OSTN: variants seen among roughly 807,000 people sequenced by gnomAD.
OSTN encodes the protein osteocrin.
OSTN carries 9 observed loss-of-function variants against 12.0 expected under a neutral mutation model. The ratio of observed to expected loss-of-function variants is 0.75; its 90% CI spans 0.45 to 1.30. The LOEUF (loss-of-function observed/expected upper bound fraction) is 1.30. OSTN is among the 50% of genes most tolerant of loss of function. OSTN has a pLI of 0.00. For synonymous variants in OSTN, 59 were observed against 56.9 expected (o/e 1.04, Z -0.16); for missense variants, 148 against 152.3 (o/e 0.97, Z 0.15).
intron 3 of OSTN, among the ~76,000 whole-genome samples, chr3:191,246,680 A>AGAAGAGGAAGAGGAGGATGAAAAG (rs1715440421): frequency 6.6e-6 from 1 of 151,698 alleles, no homozygotes; most frequent in African/African-American, 2.4e-5. Context: ...GGGAAGAGGA[A>AGAAGAGGAAGAGGAGGATGAAAAG]GAAGAGGAAG....
chr3:191,222,655 C>T lies in OSTN; in HGVS notation c.317+3694C>T, dbSNP rs1025175127. Reference sequence around the variant, plus strand: ...TGTGGGACTGCTGGGAAGGGATGATCATGTTTTGAAATGGGAAGATATGAG... The same window carrying T: ...TGTGGGACTGCTGGGAAGGGATGATTATGTTTTGAAATGGGAAGATATGAG... On this transcript the variant is annotated intron_variant, in intron 3 of 4. Transcript: ENST00000682035. Among the ~76,000 whole-genome samples, 4 of 151,982 alleles carry T rather than the reference C, an allele frequency of 2.6e-5. No individual in the cohort carries two copies. In the East Asian group the frequency reaches 5.8e-4, roughly 22 times the overall value.
intron 4 of OSTN, among the ~76,000 whole-genome samples, chr3:191,260,374 G>T (rs550278319): frequency 1.1e-4 from 17 of 152,058 alleles, no homozygotes; most frequent in African/African-American, 4.1e-4. Flanking sequence ...CAATGCCAAA[G>T]ATTCCCCCAC....
Position 191,232,835 on chromosome 3 carries a change from G to A in OSTN, c.317+13874G>A, listed in dbSNP as rs889164493. ...TCTCCATGTTGGCCAGCCTGGTCTCGAGCTCCTGGCCTCAAGTGATCTGCC... is the reference window on the plus strand; with the variant it reads ...TCTCCATGTTGGCCAGCCTGGTCTCAAGCTCCTGGCCTCAAGTGATCTGCC... On this transcript the variant is annotated intron_variant, in intron 3 of 4. Transcript: ENST00000682035. 5.3e-5 allele frequency among the ~76,000 whole-genome samples: 8 copies of A among 152,116 alleles called. No individual in the cohort carries two copies. The East Asian group carries it at 1.5e-3, about 29-fold the overall frequency.
intron 3 of OSTN, among the ~76,000 whole-genome samples, chr3:191,230,625 A>C (rs895230045): frequency 6.6e-6 from 1 of 151,716 alleles, no homozygotes; most frequent in Non-Finnish European, 1.5e-5. Flanking sequence ...ATGAGAACTC[A>C]CTATCAGGTG....
intron 3 of OSTN, among the ~76,000 whole-genome samples, chr3:191,243,188 A>G (rs185813679): frequency 6.6e-6 from 1 of 152,340 alleles, no homozygotes; most frequent in African/African-American, 2.4e-5. Flanking sequence ...AATAGGAACT[A>G]TCATACACTG....
chr3:191,239,062 A>G (rs984460975), intron 3 of OSTN, among the ~76,000 whole-genome samples: 69 of 152,358 alleles, frequency 4.5e-4, no homozygotes, highest in African/African-American at 1.6e-3. Flanking sequence ...GATAAACTCT[A>G]TATTACTGGT....
At chr3:191,241,231 T>A (rs1715314084) in intron 3 of OSTN, among the ~76,000 whole-genome samples, 2 of 126,384 alleles carry the variant, frequency 1.6e-5, no homozygotes, top group South Asian at 5.8e-4. Context: ...CAGGCTGGAG[T>A]GCAGTGGCGC....
chr3:191,210,825 A>G (rs1209585592), intron 1 of OSTN, among the ~76,000 whole-genome samples: 3 of 152,152 alleles, frequency 2.0e-5, no homozygotes, highest in South Asian at 2.1e-4. Context: ...GTTCATGCCT[A>G]CTTTGTTCTA....
At chr3:191,250,944 A>G (rs1715546997) in intron 4 of OSTN, among the ~76,000 whole-genome samples, 1 of 152,162 alleles carries the variant, frequency 6.6e-6, no homozygotes, top group Admixed American at 6.5e-5. Flanking sequence ...GTGCCAGCTA[A>G]AGAGATCAGG....
rs1383079606 is a variant in OSTN, at chr3:191,265,422, G to A, written c.*2569G>A. 2 of 152,130 alleles carry A rather than the reference G, an allele frequency of 1.3e-5. No homozygotes were observed. Among genetic ancestry groups the A allele is most frequent in the Non-Finnish European group, 2.9e-5 (2 of 67,994 alleles). 9.4% of individuals were successfully genotyped at this position (152,130 alleles called of 1,614,324 possible). ...CACACTAAAAAATGTCTGTCAAGTT[G>A]TACCTTTAACCTGTTCATAGCTTTA... On this transcript the variant is annotated 3_prime_UTR_variant, in exon 5 of 5. Transcript: ENST00000682035.
At chr3:191,248,120 C>A (rs1485784141) in intron 3 of OSTN, among the ~76,000 whole-genome samples, 1 of 152,118 alleles carries the variant, frequency 6.6e-6, no homozygotes, top group Non-Finnish European at 1.5e-5. Context: ...AGGCATGAGC[C>A]ACTGCGCCGG....
At chr3:191,201,234 C>T (rs1016521439) in intron 1 of OSTN, among the ~76,000 whole-genome samples, 2 of 152,038 alleles carry the variant, frequency 1.3e-5, no homozygotes, top group African/African-American at 4.8e-5. Flanking sequence ...CCATCTCCTC[C>T]CTCCAGTAAC....
chr3:191,228,263 C>T (rs1036530651), intron 3 of OSTN, among the ~76,000 whole-genome samples: 3 of 152,116 alleles, frequency 2.0e-5, no homozygotes, highest in Non-Finnish European at 4.4e-5. Context: ...TCTGCCCCAA[C>T]TCTGCCTGGG....
chr3:191,206,119 G>A (rs1277079501), intron 1 of OSTN, among the ~76,000 whole-genome samples: 3 of 151,898 alleles, frequency 2.0e-5, no homozygotes, highest in Non-Finnish European at 4.4e-5. Context: ...CTGGGAAGCG[G>A]AGGTTGCAGT....
At chr3:191,211,254 T>C (rs998119522) in intron 1 of OSTN, among the ~76,000 whole-genome samples, 1 of 152,222 alleles carries the variant, frequency 6.6e-6, no homozygotes, top group African/African-American at 2.4e-5. Context: ...TTCTATACTT[T>C]CCGTTTCTCC....
rs1056341864 is a variant in OSTN at position 191,254,646 on chromosome 3, T to C, written c.*12+4513T>C. 2.6e-5 allele frequency among the ~76,000 whole-genome samples: 4 copies of C among 152,368 alleles called. No homozygotes were observed. In the South Asian group the frequency reaches 8.3e-4, roughly 32 times the overall value. Reference sequence around the variant, plus strand: ...CAACAGGTGTCTGTATAGTTTTCTTTTGAAAGATAATTTTTCTCTCTCCAC... The same window carrying C: ...CAACAGGTGTCTGTATAGTTTTCTTCTGAAAGATAATTTTTCTCTCTCCAC... On this transcript the variant is annotated intron_variant, in intron 4 of 4. Coordinates refer to ENST00000682035, the MANE Select transcript of OSTN (RefSeq NM_198184.2).
intron 3 of OSTN, among the ~76,000 whole-genome samples, chr3:191,244,363 C>T (rs2108548735): frequency 6.6e-6 from 1 of 151,744 alleles, no homozygotes; most frequent in South Asian, 2.1e-4. Flanking sequence ...CCTTAATCTA[C>T]TTTACTTACA....
intron 3 of OSTN, among the ~76,000 whole-genome samples, chr3:191,239,784 T>G (rs1715279826): frequency 6.6e-6 from 1 of 152,216 alleles, no homozygotes; most frequent in Admixed American, 6.5e-5. Context: ...GGAAAAAAAT[T>G]GGCTTTTGCC....
chr3:191,211,203 G>T (rs1342137115), intron 1 of OSTN, among the ~76,000 whole-genome samples: 1 of 151,714 alleles, frequency 6.6e-6, no homozygotes, highest in African/African-American at 2.4e-5. Flanking sequence ...TATTGCTTTG[G>T]GCATTTACAA....
Sources: gnomAD v4.1 joint callset for allele counts (sites outside exome capture counted in the v4.1 genomes callset) on GRCh38, gnomAD v4.1.1 for gene constraint, MANE v1.5 for transcripts, NCBI Gene and HGNC (gene_info 2026-07-23, HGNC 2026-07-21) for gene names.